EBF1: variants seen among roughly 807,000 people sequenced by gnomAD.
EBF1 encodes the protein EBF transcription factor 1.
In EBF1, 10 loss-of-function variants were observed where a neutral mutation model predicts 68.4. The observed-to-expected ratio is 0.15, with a 90% CI of 0.09 to 0.25. The LOEUF is 0.25. Among genes scored for constraint, EBF1 ranks in the 10% least tolerant of loss-of-function variants. EBF1 has a pLI of 1.00. For synonymous variants in EBF1, 298 were observed against 299.8 expected (o/e 0.99, Z 0.06); for missense variants, 509 against 794.4 (o/e 0.64, Z 4.32).
intron 8 of EBF1, among the ~76,000 whole-genome samples, chr5:158,805,612 A>G (rs950577306): frequency 2.0e-5 from 3 of 152,064 alleles, no homozygotes; most frequent in African/African-American, 4.8e-5. Flanking sequence ...AATTTTGCTA[A>G]GAAGAAATTT....
At position 158,982,805 on chromosome 5, in the gene EBF1, A is replaced by T. The variant is rs543460107; in HGVS notation, c.554+90591T>A. ...ATATATATATATATATAGTGGTCTAAAAAGGGTCAAATTCCCATTCAGCAT... is the reference window on the plus strand; with the variant it reads ...ATATATATATATATATAGTGGTCTATAAAGGGTCAAATTCCCATTCAGCAT... On this transcript the variant is annotated intron_variant, in intron 6 of 15. Coordinates refer to ENST00000313708, the MANE Select transcript of EBF1 (RefSeq NM_024007.5). Among the ~76,000 whole-genome samples the T allele has an allele frequency of 2.3e-4, 35 of 152,048 alleles. No individual in the cohort carries two copies. In the East Asian group the frequency reaches 6.8e-3, roughly 29 times the overall value.
At chr5:159,066,185 C>T (rs1255995522) in intron 6 of EBF1, among the ~76,000 whole-genome samples, 14 of 152,030 alleles carry the variant, frequency 9.2e-5, no homozygotes, top group Admixed American at 5.9e-4. Flanking sequence ...GGCAAAGGCA[C>T]GAACAATATC....
chr5:159,031,266 C>T (rs1398265420), intron 6 of EBF1, among the ~76,000 whole-genome samples: 1 of 152,152 alleles, frequency 6.6e-6, no homozygotes, highest in East Asian at 1.9e-4. Context: ...TTGGAGCTGT[C>T]GGAATTTATA....
chr5:159,011,679 AC>A (rs1258656874), intron 6 of EBF1, among the ~76,000 whole-genome samples: 1 of 150,438 alleles, frequency 6.6e-6, no homozygotes, highest in Non-Finnish European at 1.5e-5. Context: ...TTTTGTTAGA[AC>A]CCCCCCTTCT....
chr5:158,702,086 A>G (rs1198648909), intron 15 of EBF1, among the ~76,000 whole-genome samples: 1 of 152,200 alleles, frequency 6.6e-6, no homozygotes, highest in African/African-American at 2.4e-5. Flanking sequence ...ATGACTTCCT[A>G]AACTCCAAGG....
chr5:158,935,074 T>C (rs1047093516), intron 6 of EBF1, among the ~76,000 whole-genome samples: 1 of 152,238 alleles, frequency 6.6e-6, no homozygotes, highest in Non-Finnish European at 1.5e-5. Context: ...TTAAAATACA[T>C]TTAAGAAAAA....
At chr5:158,811,242 A>C (rs1298205803) in intron 8 of EBF1, among the ~76,000 whole-genome samples, 2 of 152,156 alleles carry the variant, frequency 1.3e-5, no homozygotes, top group Non-Finnish European at 2.9e-5. Context: ...CATGCCAACT[A>C]ACTTACCCTT....
At chr5:158,730,038 C>T (rs1286637175) in intron 11 of EBF1, among the ~76,000 whole-genome samples, 4 of 152,190 alleles carry the variant, frequency 2.6e-5, no homozygotes, top group African/African-American at 4.8e-5. Context: ...AGGATGGCAA[C>T]TTCATTTTTG....
At chr5:158,966,819 T>C (rs565112310) in intron 6 of EBF1, among the ~76,000 whole-genome samples, 1 of 152,352 alleles carries the variant, frequency 6.6e-6, no homozygotes, top group African/African-American at 2.4e-5. Flanking sequence ...GTCCTGATTA[T>C]ATTTTTAATA....
chr5:158,887,258 G>T (rs1317445537), intron 6 of EBF1, among the ~76,000 whole-genome samples: 1 of 152,068 alleles, frequency 6.6e-6, no homozygotes, highest in Non-Finnish European at 1.5e-5. Flanking sequence ...AACCTAACAG[G>T]TACAGAGACA....
At chr5:158,784,917 T>C (rs1271077341) in intron 9 of EBF1, among the ~76,000 whole-genome samples, 2 of 152,188 alleles carry the variant, frequency 1.3e-5, no homozygotes, top group Admixed American at 1.3e-4. Context: ...ACTAATCTTA[T>C]ACTGCACCAG....
At chr5:158,725,445 G>A (rs1436776594) in intron 11 of EBF1, among the ~76,000 whole-genome samples, 1 of 152,190 alleles carries the variant, frequency 6.6e-6, no homozygotes, top group African/African-American at 2.4e-5. Flanking sequence ...TGGACAAATA[G>A]AACCCTCCTC....
intron 6 of EBF1, among the ~76,000 whole-genome samples, chr5:158,873,226 T>C (rs1367215323): frequency 6.6e-6 from 1 of 152,078 alleles, no homozygotes; most frequent in Non-Finnish European, 1.5e-5. Context: ...TTAGTGGGGA[T>C]TTTACTGTCT....
At position 158,985,379 on chromosome 5, in the gene EBF1, G is replaced by T. The variant is rs1288894220; in HGVS notation, c.554+88017C>A. On this transcript the variant is annotated intron_variant, in intron 6 of 15. Coordinates refer to ENST00000313708, the MANE Select transcript of EBF1 (RefSeq NM_024007.5). The stretch of plus-strand genomic sequence containing the variant: ...TGACTGCACACTACAATCACCTGAG[G>T]AACTTTTAGAAAATGCCAGTGTTGG... Among the ~76,000 whole-genome samples the T allele has an allele frequency of 2.6e-5, 4 of 152,136 alleles. No homozygotes were observed. The East Asian group carries it at 5.8e-4, about 22-fold the overall frequency.
intron 6 of EBF1, among the ~76,000 whole-genome samples, chr5:159,031,476 C>CTCT (rs72547008): frequency 6.6e-6 from 1 of 152,028 alleles, no homozygotes; most frequent in African/African-American, 2.4e-5. Context: ...CGAAAGCCTC[C>CTCT]TTTCTTACAC....
At chr5:158,707,648 G>A (rs546825171) in intron 15 of EBF1, 12 of 321,282 alleles carry the variant, frequency 3.7e-5, no homozygotes, top group East Asian at 3.0e-4. Flanking sequence ...TGATAATGGC[G>A]ACCACAAGGA....
At chr5:159,064,080 T>C (rs1776324791) in intron 6 of EBF1, among the ~76,000 whole-genome samples, 1 of 151,912 alleles carries the variant, frequency 6.6e-6, no homozygotes, top group Non-Finnish European at 1.5e-5. Context: ...TCAAATTAAA[T>C]GAGGACATAA....
At chr5:158,727,382 A>T (rs971113610) in intron 11 of EBF1, among the ~76,000 whole-genome samples, 3 of 152,154 alleles carry the variant, frequency 2.0e-5, no homozygotes, top group African/African-American at 4.8e-5. Context: ...TCCTTGCCCA[A>T]TGTGTCTGGA....
chr5:158,702,800 G>C (rs998635933), intron 15 of EBF1, among the ~76,000 whole-genome samples: 3 of 151,464 alleles, frequency 2.0e-5, no homozygotes, highest in Admixed American at 6.6e-5. Flanking sequence ...TCAGGAACAG[G>C]GGGGTAAGTG....
Sources: gnomAD v4.1 joint callset for allele counts (sites outside exome capture counted in the v4.1 genomes callset) on GRCh38, gnomAD v4.1.1 for gene constraint, MANE v1.5 for transcripts, NCBI Gene and HGNC (gene_info 2026-07-23, HGNC 2026-07-21) for gene names.